The following SHANK1 variants were observed in gnomAD, a reference collection of about 807,000 sequenced individuals.
SHANK1 encodes the protein SH3 and multiple ankyrin repeat domains 1.
SHANK1 carries 35 observed loss-of-function variants against 165.6 expected under a neutral mutation model. The ratio of observed to expected loss-of-function variants is 0.21; its 90% confidence interval spans 0.16 to 0.28. The LOEUF is 0.28. Among genes scored for constraint, SHANK1 ranks in the 10% least tolerant of loss-of-function variants. The pLI, the probability that SHANK1 is intolerant of heterozygous loss-of-function variation, is 1.00. For synonymous variants in SHANK1, 1,428 were observed against 1,384.8 expected, an observed-to-expected ratio of 1.03 and a Z score of -0.69; for missense variants, 2,681 against 3,036.4, an observed-to-expected ratio of 0.88 and a Z score of 2.75.
At chr19:50,676,868 G>T (rs1214092512) in intron 21 of SHANK1, among the ~76,000 whole-genome samples, 3 of 152,180 alleles carry the variant, frequency 2.0e-5, no homozygotes, top group African/African-American at 7.2e-5. Flanking sequence ...TGGGAGTGTT[G>T]TGTGTTACAT....
At chr19:50,711,819 G>T in intron 7 of SHANK1, 128 bp downstream of exon 7, 1 of 1,092,898 alleles carries the variant, frequency 9.1e-7, no homozygotes, top group Non-Finnish European at 1.3e-6. Flanking sequence ...TTTCCTCTTT[G>T]GGGACCATGT....
At position 50,687,933 on chromosome 19, in the gene SHANK1, C is replaced by T. The variant is rs781069782; in HGVS notation, c.2298G>A (p.Val766=). 1.2e-6 allele frequency: 2 copies of T among 1,614,040 alleles called. No homozygotes were observed. The highest frequency in any genetic ancestry group is 3.3e-5 in the Admixed American group (2 of 60,016). ...TGGCCGCAGGAGCACCTTTCTTGTG[C>T]ACTGCCTCATCCATGTCCGGGTGCC... The part of the protein sequence containing the change: ...VTRHPDMDEA[V]HKKAPQQAKR... Residue 766 remains valine (V), a synonymous_variant, in exon 18 of 24, where the codon GTG becomes GTA. Coordinates refer to ENST00000293441, the MANE Select transcript of SHANK1 (RefSeq NM_016148.5).
chr19:50,698,271 A>G (rs1478685987), intron 12 of SHANK1, among the ~76,000 whole-genome samples: 1 of 152,084 alleles, frequency 6.6e-6, no homozygotes, highest in Non-Finnish European at 1.5e-5. Flanking sequence ...TCAGTTGTGT[A>G]ATTCCCCTTC....
rs75302804 is a variant in SHANK1 at position 50,697,032 on chromosome 19, C to G, written c.1964+64G>C. On this transcript the variant is annotated intron_variant, in intron 15 of 23. Coordinates refer to ENST00000293441, the MANE Select transcript of SHANK1 (RefSeq NM_016148.5). The surrounding 1 kb of genome is among the most constrained non-coding windows in gnomAD (Gnocchi z 4.7). ...CTCTGGTCGTGCACACACGTTCACA[C>G]GCCCCCCAGGCACCCCGTCCTTCCC... 4 of 1,279,710 alleles carry G rather than the reference C, an allele frequency of 3.1e-6. No individual in the cohort carries two copies. In the South Asian group the frequency reaches 3.6e-5, roughly 12 times the overall value. The allele number at this position is 1,279,710 out of a possible 1,614,324, so 79.3% of individuals were successfully genotyped here. A position where few individuals can be genotyped will look rare whatever the true frequency, so the allele number is the denominator to read the frequency against.
Position 50,686,646 on chromosome 19 carries a change from A to G in SHANK1, c.2458+98T>C. On this transcript the variant is annotated intron_variant, in intron 20 of 23. Coordinates refer to ENST00000293441, the MANE Select transcript of SHANK1 (RefSeq NM_016148.5). This position sits in a 1 kb window ranked among gnomAD's most constrained non-coding sequence, Gnocchi z 5.7. ...GGGATCGCAGCCTCTCTGGGGCAGG[A>G]AGGTGAGGGGCGCCGTGGGGTTCAT... 2 of 1,159,370 alleles carry G rather than the reference A, an allele frequency of 1.7e-6. No homozygotes were observed. The highest frequency in any genetic ancestry group is 1.3e-6 in the Non-Finnish European group (1 of 796,744). 71.8% of individuals were successfully genotyped at this position (1,159,370 alleles called of 1,614,324 possible). A position where few individuals can be genotyped will look rare whatever the true frequency, so the allele number is the denominator to read the frequency against.
chr19:50,668,590 CG>C lies in SHANK1; in HGVS notation c.3369del (p.Gly1124AlafsTer219). ...GGCGACGGCGCGGGCGGGAGGCCGC[CG>C]CCCTTCTGGGGCTCGCCTTCCACCT... ...QTKVEGEPQK[G>X]GGLPPAPSPT... On this transcript the variant is annotated frameshift_variant, in exon 23 of 24. Transcript: ENST00000293441. LOFTEE classifies it high-confidence loss of function. The C allele has an allele frequency of 7.4e-7, 1 of 1,353,760 alleles. No homozygotes were observed. The highest frequency in any genetic ancestry group is 9.5e-7 in the Non-Finnish European group (1 of 1,050,644). 83.9% of individuals were successfully genotyped at this position (1,353,760 alleles called of 1,614,324 possible). A position where few individuals can be genotyped will look rare whatever the true frequency, so the allele number is the denominator to read the frequency against.
rs545169740 is a variant in SHANK1 at position 50,669,024 on chromosome 19, C to T, written c.2936G>A (p.Arg979His). The T allele has an allele frequency of 8.4e-6, 7 of 832,948 alleles. No individual in the cohort carries two copies. The highest frequency in any genetic ancestry group is 2.9e-5 in the East Asian group (1 of 34,940). 51.6% of individuals were successfully genotyped at this position (832,948 alleles called of 1,614,324 possible). The change falls in exon 23 of 24, where the codon CGC (arginine) becomes CAC (histidine). Residue 979 changes from arginine to histidine, a missense_variant. By Grantham distance (29) the Arg-to-His change is conservative. Around this residue, in one of 10 missense-constraint regions of SHANK1, gnomAD observed 1,713 missense variants for 1,630.2 expected, o/e 1.05. Transcript: ENST00000293441. The part of the protein sequence containing the change: ...SFDGPSPPDT[R>H]VGSREKSLYH... The stretch of plus-strand genomic sequence containing the variant: ...CAGGCTCTTCTCGCGGCTCCCCACG[C>T]GAGTGTCGGGAGGGGAGGGCCCGTC...
chr19:50,687,051 G>T, intron 19 of SHANK1: 1 of 1,472,678 alleles, frequency 6.8e-7, no homozygotes, highest in Non-Finnish European at 9.0e-7. Context: ...CTAGCCCGGG[G>T]GAGAGGCAGT....
At chr19:50,711,047 C>T in intron 8 of SHANK1, 1 of 248,904 alleles carries the variant, frequency 4.0e-6, no homozygotes, top group Non-Finnish European at 7.8e-6. Flanking sequence ...ATCTGGATTC[C>T]CTGTGACTTT....
At position 50,687,644 on chromosome 19, in the gene SHANK1, C is replaced by T. The variant is rs374715581; in HGVS notation, c.2327G>A (p.Arg776Gln). The T allele has an allele frequency of 1.2e-5, 18 of 1,509,870 alleles. No homozygotes were observed. Among genetic ancestry groups the T allele is most frequent in the East Asian group, 5.0e-5 (2 of 40,378 alleles). 93.5% of individuals were successfully genotyped at this position (1,509,870 alleles called of 1,614,324 possible). Reference protein sequence around the residue: ...VHKKAPQQAKRLPPPTISLRS... With the variant: ...VHKKAPQQAKQLPPPTISLRS... ...CAGGGAGATGGTTGGGGGCGGCAGC[C>T]GCTTGGCCTGCTGGGGTGCTGAAAA... Residue 776 changes from arginine to glutamine, a missense_variant, in exon 19 of 24, where the codon CGG (arginine) becomes CAG (glutamine). Physicochemically the swap from Arg to Gln is conservative, Grantham distance 43. This residue lies in a region of SHANK1 where 206 missense variants were observed against 216.0 expected (regional missense o/e 0.95). Transcript: ENST00000293441.
Position 50,666,756 on chromosome 19 carries a change from TGGCCGTCCA to T in SHANK1, c.5195_5203del (p.Leu1732_Gly1734del). ...GGGAGTACTGCTGCCCCCAAAGGCC[TGGCCGTCCA>T]GGTAGGCCACATAGGTGTCCAGAAG... On this transcript the variant is annotated inframe_deletion, in exon 23 of 24. Transcript: ENST00000293441. 6.4e-7 allele frequency: 1 copy of T among 1,558,932 alleles called. No homozygotes were observed. The highest frequency in any genetic ancestry group is 8.7e-7 in the Non-Finnish European group (1 of 1,152,884).
At chr19:50,679,600 C>T (rs1028455603) in intron 21 of SHANK1, among the ~76,000 whole-genome samples, 3 of 152,206 alleles carry the variant, frequency 2.0e-5, no homozygotes, top group Non-Finnish European at 4.4e-5. Flanking sequence ...CCCTTCAGTC[C>T]GCCGCCCAAA....
intron 8 of SHANK1, among the ~76,000 whole-genome samples, chr19:50,709,769 T>TA (rs992450893): frequency 2.0e-5 from 3 of 152,154 alleles, no homozygotes; most frequent in Admixed American, 2.0e-4. Context: ...CAGGCTGGTC[T>TA]CGAACTCCTG....
In SHANK1 at chr19:50,719,592, C is replaced by T. The variant is rs1401201145; in HGVS notation, c.-230G>A. 2 of 148,412 alleles carry T rather than the reference C, an allele frequency of 1.3e-5. No homozygotes were observed. The highest frequency in any genetic ancestry group is 4.9e-5 in the African/African-American group (2 of 40,564). The allele number at this position is 148,412 out of a possible 1,614,324, so 9.2% of individuals were successfully genotyped here. On this transcript the variant is annotated 5_prime_UTR_variant, in exon 1 of 24. Transcript: ENST00000293441. Reference sequence around the variant, plus strand: ...GCGGGAGGGCCGAGGACCTCACCCCCCCCGCGGGCCGGGCCTGGCCATCCG... The same window carrying T: ...GCGGGAGGGCCGAGGACCTCACCCCTCCCGCGGGCCGGGCCTGGCCATCCG...
chr19:50,690,290 T>C lies in SHANK1; in HGVS notation c.1965-1011A>G, dbSNP rs1299715008. Among the ~76,000 whole-genome samples the C allele has an allele frequency of 6.6e-6, 1 of 152,056 alleles. No homozygotes were observed. Among genetic ancestry groups the C allele is most frequent in the African/African-American group, 2.4e-5 (1 of 41,354 alleles). On this transcript the variant is annotated intron_variant, in intron 15 of 23. Coordinates refer to ENST00000293441, the MANE Select transcript of SHANK1 (RefSeq NM_016148.5). The surrounding 1 kb of genome is among the most constrained non-coding windows in gnomAD (Gnocchi z 4.9). Reference sequence around the variant, plus strand: ...GGCTCACGTACCCAGGAAATGTCAATGAAACTCAGATACAGTTCATGGATC... The same window carrying C: ...GGCTCACGTACCCAGGAAATGTCAACGAAACTCAGATACAGTTCATGGATC...
chr19:50,713,785 C>A lies in SHANK1; in HGVS notation c.792+13G>T. The A allele has an allele frequency of 6.2e-7, 1 of 1,611,600 alleles. No individual in the cohort carries two copies. Among genetic ancestry groups the A allele is most frequent in the Non-Finnish European group, 8.5e-7 (1 of 1,179,214 alleles). ...GGCCCCATGGCGGGGATGGGGGGTC[C>A]CCGAAGCCTCACCGTGAGTGCCAGG... On this transcript the variant is annotated intron_variant, in intron 6 of 23. Coordinates refer to ENST00000293441, the MANE Select transcript of SHANK1 (RefSeq NM_016148.5). This position sits in a 1 kb window ranked among gnomAD's most constrained non-coding sequence, Gnocchi z 6.2.
chr19:50,659,826 C>G lies in SHANK1; in HGVS notation c.*2139G>C, dbSNP rs1033350011. On this transcript the variant is annotated 3_prime_UTR_variant, in exon 24 of 24. Coordinates refer to ENST00000293441, the MANE Select transcript of SHANK1 (RefSeq NM_016148.5). ...CCCCGCGGCACCCATCCAGAATGAACGAGCCCTTGATAGACGGGCGCCGCG... is the reference window on the plus strand; with the variant it reads ...CCCCGCGGCACCCATCCAGAATGAAGGAGCCCTTGATAGACGGGCGCCGCG... 8.0e-6 allele frequency among the ~76,000 whole-genome samples: 1 copy of G among 125,714 alleles called. No homozygotes were observed. Among genetic ancestry groups the G allele is most frequent in the Non-Finnish European group, 1.6e-5 (1 of 61,674 alleles). 82.5% of individuals were successfully genotyped at this position (125,714 alleles called of 152,430 possible). A position where few individuals can be genotyped will look rare whatever the true frequency, so the allele number is the denominator to read the frequency against.
rs200545003 is a variant in SHANK1, at chr19:50,666,044, G to T, written c.5768+148C>A. 5 of 527,086 alleles carry T rather than the reference G, an allele frequency of 9.5e-6. No individual in the cohort carries two copies. The South Asian group carries it at 1.3e-4, about 13-fold the overall frequency. 32.7% of individuals were successfully genotyped at this position (527,086 alleles called of 1,614,324 possible). On this transcript the variant is annotated intron_variant, in intron 23 of 23. Coordinates refer to ENST00000293441, the MANE Select transcript of SHANK1 (RefSeq NM_016148.5). ...GAAAAGAAAAAAAAAAAAAGAAAAAGAAAATATTTGTGAAAGCATGCTTCT... is the reference window on the plus strand; with the variant it reads ...GAAAAGAAAAAAAAAAAAAGAAAAATAAAATATTTGTGAAAGCATGCTTCT...
chr19:50,667,399 G>A lies in SHANK1; in HGVS notation c.4561C>T (p.Pro1521Ser), dbSNP rs781551536. ...GGGGGCACGGACCGGCGTGGGCTGG[G>A]CGGCGGGACCCCCGGCCCGTCCTCC... Reference protein sequence around the residue: ...PSEDGPGVPPPSPRRSVPPSP... With the variant: ...PSEDGPGVPPSSPRRSVPPSP... Residue 1521 changes from proline (P) to serine (S), a missense_variant, in exon 23 of 24, where the codon CCC (proline) becomes TCC (serine). By Grantham distance (74) the Pro-to-Ser change is moderately conservative (BLOSUM62 -1). Around this residue, in one of 10 missense-constraint regions of SHANK1, gnomAD observed 1,713 missense variants for 1,630.2 expected, o/e 1.05. Coordinates refer to ENST00000293441, the MANE Select transcript of SHANK1 (RefSeq NM_016148.5). The surrounding 1 kb of genome is among the most constrained non-coding windows in gnomAD (Gnocchi z 5.7). 3.9e-6 allele frequency: 6 copies of A among 1,522,332 alleles called. No individual in the cohort carries two copies. Among genetic ancestry groups the A allele is most frequent in the Non-Finnish European group, 4.4e-6 (5 of 1,141,646 alleles). 94.3% of individuals were successfully genotyped at this position (1,522,332 alleles called of 1,614,324 possible). A position where few individuals can be genotyped will look rare whatever the true frequency, so the allele number is the denominator to read the frequency against.
Sources: allele counts gnomAD v4.1 joint callset (sites outside exome capture counted in the v4.1 genomes callset), GRCh38; gene constraint gnomAD v4.1.1; regional missense constraint gnomAD v4.1.1; non-coding constraint Gnocchi (gnomAD v3.1); transcripts MANE v1.5; gene names NCBI Gene and HGNC (gene_info 2026-07-23, HGNC 2026-07-21).